Variants in RASGRP2 observed in about 807,000 individuals in gnomAD.
RASGRP2 encodes the protein RAS guanyl-releasing protein 2.
In RASGRP2, 44 loss-of-function variants were observed where a neutral mutation model predicts 71.0. That is an observed-to-expected ratio of 0.62 (90% CI 0.49 to 0.80). The LOEUF is 0.80. Among genes scored for constraint, RASGRP2 ranks in the 30% least tolerant of loss-of-function variants. The pLI is 0.00. For synonymous variants in RASGRP2, 350 were observed against 330.7 expected (o/e 1.06, Z -0.63); for missense variants, 663 against 813.4 (o/e 0.82, Z 2.25).
intron 8 of RASGRP2, among the ~76,000 whole-genome samples, chr11:64,737,637 G>A (rs1267400504): frequency 7.0e-5 from 10 of 142,014 alleles, no homozygotes; most frequent in Non-Finnish European, 9.1e-5. Flanking sequence ...CCAAATTAGC[G>A]TCACTGCACT....
At chr11:64,728,809 C>T in intron 15 of RASGRP2, 54 bp downstream of exon 15, 1 of 1,494,176 alleles carries the variant, frequency 6.7e-7, no homozygotes, top group Admixed American at 1.8e-5. Flanking sequence ...TTCTTTGCCC[C>T]AGTAGCCCTG....
Position 64,742,216 on chromosome 11 carries a change from T to C in RASGRP2, c.74-104A>G, listed in dbSNP as rs1592389549. The C allele has an allele frequency of 2.3e-6, 2 of 867,016 alleles. No homozygotes were observed. The highest frequency in any genetic ancestry group is 5.3e-5 in the East Asian group (2 of 37,766). The allele number at this position is 867,016 out of a possible 1,614,324, so 53.7% of individuals were successfully genotyped here. ...AGGTATCGGTCCTTCGGGTGCACGC[T>C]CGACCCCGCCCACCTCCTGCTTGCC... is the stretch of plus-strand genomic sequence containing the variant. On this transcript the variant is annotated intron_variant, in intron 2 of 16. Coordinates refer to ENST00000394432, the MANE Select transcript of RASGRP2 (RefSeq NM_001098671.2). This position sits in a 1 kb window ranked among gnomAD's most constrained non-coding sequence, Gnocchi z 4.7.
In RASGRP2 at chr11:64,727,113, G is replaced by A; in HGVS notation, c.*25C>T. 1.8e-6 allele frequency: 1 copy of A among 565,320 alleles called. No homozygotes were observed. Among genetic ancestry groups the A allele is most frequent in the Non-Finnish European group, 3.3e-6 (1 of 303,002 alleles). The allele number at this position is 565,320 out of a possible 1,614,324, so 35.0% of individuals were successfully genotyped here. A position where few individuals can be genotyped will look rare whatever the true frequency, so the allele number is the denominator to read the frequency against. ...AGTATTTTCTCCAAGGCAGGAATGA[G>A]TCCTTGATCCAACCACAGCTGGGAA... On this transcript the variant is annotated 3_prime_UTR_variant, in exon 17 of 17. Coordinates refer to ENST00000394432, the MANE Select transcript of RASGRP2 (RefSeq NM_001098671.2).
chr11:64,735,806 G>A lies in RASGRP2; in HGVS notation c.1173+97C>T. ...CCAGGATGCCTCTGTCCTACAAGAT[G>A]GATGGGTGAGGTGGCTGCTAAGAGC... On this transcript the variant is annotated intron_variant, in intron 10 of 16. Transcript: ENST00000394432. This position sits in a 1 kb window ranked among gnomAD's most constrained non-coding sequence, Gnocchi z 4.2. 11 of 1,476,214 alleles carry A rather than the reference G, an allele frequency of 7.5e-6. No individual in the cohort carries two copies. The highest frequency in any genetic ancestry group is 9.3e-6 in the Non-Finnish European group (10 of 1,075,242). The allele number at this position is 1,476,214 out of a possible 1,614,324, so 91.4% of individuals were successfully genotyped here.
At position 64,735,556 on chromosome 11, in the gene RASGRP2, C is replaced by G. The variant is rs769469271; in HGVS notation, c.1282G>C (p.Glu428Gln). The change falls in exon 11 of 17, where the codon GAG becomes CAG. Residue 428 changes from glutamate (E) to glutamine (Q), a missense_variant. Coordinates refer to ENST00000394432, the MANE Select transcript of RASGRP2 (RefSeq NM_001098671.2). This position sits in a 1 kb window ranked among gnomAD's most constrained non-coding sequence, Gnocchi z 4.2. ...CAGGAGCTCACCTCCACCATCTTCT[C>G]GATGTGCTCCACCACGAGGGCCTGA... ...LDQALVVEHIEKMVESVFRNF... is the reference protein window; with the variant it reads ...LDQALVVEHIQKMVESVFRNF... 6.2e-7 allele frequency: 1 copy of G among 1,614,048 alleles called. No individual in the cohort carries two copies. The highest frequency in any genetic ancestry group is 8.5e-7 in the Non-Finnish European group (1 of 1,179,974).
intron 15 of RASGRP2, among the ~76,000 whole-genome samples, 158 bp from the exon 16 acceptor site, chr11:64,727,518 T>C (rs1275799196): frequency 6.8e-6 from 1 of 146,036 alleles, no homozygotes; most frequent in East Asian, 2.0e-4. Flanking sequence ...TTTTTTTTTT[T>C]TTTTTTTTTT....
At chr11:64,736,709 C>A (rs1183583272) in intron 9 of RASGRP2, 44 bp downstream of exon 9, 3 of 1,548,820 alleles carry the variant, frequency 1.9e-6, no homozygotes, top group South Asian at 1.2e-5. Context: ...AAACTGTCAA[C>A]CCCTGGTGCC....
In RASGRP2 at chr11:64,744,055, G is replaced by A. The variant is rs1555130879; in HGVS notation, c.-124C>T. The A allele has an allele frequency of 4.0e-6, 4 of 988,408 alleles. No individual in the cohort carries two copies. The highest frequency in any genetic ancestry group is 4.8e-6 in the Non-Finnish European group (4 of 831,114). 61.2% of individuals were successfully genotyped at this position (988,408 alleles called of 1,614,324 possible). A position where few individuals can be genotyped will look rare whatever the true frequency, so the allele number is the denominator to read the frequency against. ...CCGCGGACGAGGTCGCCTCCTGGAC[G>A]TGCTGTTCACTTGAGCCAGGCCAGC... On this transcript the variant is annotated 5_prime_UTR_variant, in exon 1 of 17. The change creates a new upstream start codon in the 5' untranslated region. Coordinates refer to ENST00000394432, the MANE Select transcript of RASGRP2 (RefSeq NM_001098671.2).
intron 5 of RASGRP2, chr11:64,740,655 GATGATATGAGCAGAGCACC>G: frequency 1.5e-6 from 1 of 647,424 alleles, no homozygotes; most frequent in Non-Finnish European, 2.8e-6. Flanking sequence ...CAGCAAGGGG[GATGATATGAGCAGAGCACC>G]ATGATGAGAA....
rs1457257538 is a variant in RASGRP2, at chr11:64,742,954, A to G, written c.-71-17T>C. The G allele has an allele frequency of 2.0e-6, 3 of 1,523,614 alleles. No homozygotes were observed. Among genetic ancestry groups the G allele is most frequent in the Admixed American group, 2.0e-5 (1 of 49,538 alleles). The allele number at this position is 1,523,614 out of a possible 1,614,324, so 94.4% of individuals were successfully genotyped here. On this transcript the variant is annotated splice_polypyrimidine_tract_variant and intron_variant, in intron 1 of 16. Transcript: ENST00000394432. The surrounding 1 kb of genome is among the most constrained non-coding windows in gnomAD (Gnocchi z 4.7). ...ACCGAACCCCTGTCCCGGGAGAGGC[A>G]GAGCGGGAGTCTGCGGAGTCGCGGG...
At chr11:64,728,830 TC>T in intron 15 of RASGRP2, 32 bp downstream of exon 15, 1 of 1,559,774 alleles carries the variant, frequency 6.4e-7, no homozygotes, top group Non-Finnish European at 8.8e-7. Context: ...CATCCTTCCC[TC>T]CACAGGCCAG....
chr11:64,741,178 C>T (rs529266408), intron 4 of RASGRP2, 99 bp from the exon 5 acceptor site: 9 of 1,448,388 alleles, frequency 6.2e-6, no homozygotes, highest in Non-Finnish European at 8.5e-6. Context: ...AGCAAAAAGA[C>T]CCTCAAACTA....
Position 64,730,147 on chromosome 11 carries a change from G to A in RASGRP2, c.1460C>T (p.Ser487Phe). The change falls in exon 13 of 17, where the codon TCC (serine) becomes TTC (phenylalanine). Residue 487 changes from serine to phenylalanine, a missense_variant. By Grantham distance (155) the Ser-to-Phe change is radical. Coordinates refer to ENST00000394432, the MANE Select transcript of RASGRP2 (RefSeq NM_001098671.2). Reference sequence around the variant, plus strand: ...CATGCGCCCCCCCAACACAGAGCTGGAGCGCAGGAAATAGGAAACCATCTC... The same window carrying A: ...CATGCGCCCCCCCAACACAGAGCTGAAGCGCAGGAAATAGGAAACCATCTC... Reference protein sequence around the residue: ...REEMVSYFLRSSSVLGGRMGF... With the variant: ...REEMVSYFLRFSSVLGGRMGF... 6.4e-7 allele frequency: 1 copy of A among 1,551,592 alleles called. No homozygotes were observed. The highest frequency in any genetic ancestry group is 2.4e-5 in the East Asian group (1 of 40,910).
chr11:64,732,614 T>C (rs368985139), intron 12 of RASGRP2, among the ~76,000 whole-genome samples: 29 of 152,026 alleles, frequency 1.9e-4, no homozygotes, highest in African/African-American at 6.3e-4. Flanking sequence ...ACCCCGTCTC[T>C]ACTAAAAATA....
At chr11:64,733,395 AACAC>A (rs4014428) in intron 12 of RASGRP2, among the ~76,000 whole-genome samples, 9,731 of 124,692 alleles carry the variant, frequency 0.078, 357 homozygotes, top group African/African-American at 0.085. Context: ...CCCCCTCACC[AACAC>A]ACACACACAC....
Position 64,730,086 on chromosome 11 carries a change from C to T in RASGRP2, c.1521G>A (p.Leu507=), listed in dbSNP as rs1451341221. 1 of 1,550,074 alleles carries T rather than the reference C, an allele frequency of 6.5e-7. No individual in the cohort carries two copies. Among genetic ancestry groups the T allele is most frequent in the East Asian group, 2.4e-5 (1 of 40,980 alleles). ...FVHNFQESNS[L]RPVACRHCKA... is the part of the protein sequence containing the mutation. ...TGCAGTGGCGGCAGGCGACGGGGCG[C>T]AAGGAGTTGCTCTCCTGGAAGTTGT... The change falls in exon 13 of 17, where the codon TTG becomes TTA. Residue 507 remains leucine (L), a synonymous_variant. Transcript: ENST00000394432.
Position 64,735,405 on chromosome 11 carries a change from C to T in RASGRP2, c.1296+137G>A. 6.6e-7 allele frequency: 1 copy of T among 1,509,324 alleles called. No homozygotes were observed. The highest frequency in any genetic ancestry group is 9.1e-7 in the Non-Finnish European group (1 of 1,094,008). 93.5% of individuals were successfully genotyped at this position (1,509,324 alleles called of 1,614,324 possible). ...TACCCAGGGGCACTTCAGCCCCGTG[C>T]AGCTGGCCTGCCAGGCCCTGTGACT... is the stretch of plus-strand genomic sequence containing the variant. On this transcript the variant is annotated intron_variant, in intron 11 of 16. Transcript: ENST00000394432. The surrounding 1 kb of genome is among the most constrained non-coding windows in gnomAD (Gnocchi z 4.2).
At chr11:64,731,726 A>C (rs2057774374) in intron 12 of RASGRP2, among the ~76,000 whole-genome samples, 2 of 152,200 alleles carry the variant, frequency 1.3e-5, no homozygotes, top group African/African-American at 4.8e-5. Flanking sequence ...AAGAAATGCA[A>C]ATTTAACCAA....
At chr11:64,740,612 T>C (rs887306761) in intron 5 of RASGRP2, 3 of 655,562 alleles carry the variant, frequency 4.6e-6, no homozygotes, top group South Asian at 1.7e-5. Flanking sequence ...GGAGACTTCA[T>C]GCCTGAACTG....
Sources: allele counts gnomAD v4.1 joint callset (sites outside exome capture counted in the v4.1 genomes callset), GRCh38; gene constraint gnomAD v4.1.1; non-coding constraint Gnocchi (gnomAD v3.1); transcripts MANE v1.5; gene names NCBI Gene and HGNC (gene_info 2026-07-23, HGNC 2026-07-21).